The following IL1RAPL2 variants were observed in gnomAD, a reference collection of about 807,000 sequenced individuals.
IL1RAPL2 encodes the protein X-linked interleukin-1 receptor accessory protein-like 2.
IL1RAPL2 carries 3 observed loss-of-function variants against 44.1 expected under a neutral mutation model. That is an observed-to-expected ratio of 0.07 (90% confidence interval 0.03 to 0.18). The LOEUF (loss-of-function observed/expected upper bound fraction) is 0.18, where lower values mean the gene tolerates loss of function less well. Ranked by LOEUF, IL1RAPL2 falls within the 10% of genes least tolerant of loss-of-function variation. IL1RAPL2 has a pLI of 1.00. For synonymous variants in IL1RAPL2, 181 were observed against 178.8 expected, an observed-to-expected ratio of 1.01 and a Z score of -0.10; for missense variants, 391 against 496.4, an observed-to-expected ratio of 0.79 and a Z score of 2.02.
At chrX:104,905,147 GTTGT>G (rs1285996680) in intron 2 of IL1RAPL2, among the ~76,000 whole-genome samples, 1 of 111,685 alleles carries the variant, frequency 9.0e-6, no homozygotes, top group Non-Finnish European at 1.9e-5. Context: ...TTTTGATGGG[GTTGT>G]TTGTTTTTTT....
intron 2 of IL1RAPL2, among the ~76,000 whole-genome samples, chrX:104,888,310 A>G (rs1923315131): frequency 1.9e-5 from 2 of 104,122 alleles, no homozygotes; most frequent in African/African-American, 7.4e-5. Context: ...GACAGAGACA[A>G]AGAGGGAGTC....
intron 5 of IL1RAPL2, among the ~76,000 whole-genome samples, chrX:105,447,881 AATATATAAAT>A (rs2035984304): frequency 1.1e-5 from 1 of 94,346 alleles, no homozygotes; most frequent in East Asian, 3.3e-4. Flanking sequence ...TATACATATA[AATATATAAAT>A]ATATATAAAT....
At chrX:104,688,139 G>A (rs959265680) in intron 2 of IL1RAPL2, among the ~76,000 whole-genome samples, 2 of 111,478 alleles carry the variant, frequency 1.8e-5, no homozygotes, top group African/African-American at 3.3e-5. Context: ...ATTCCTGCTC[G>A]AGGCATATTC....
At chrX:104,849,116 A>G (rs867076031) in intron 2 of IL1RAPL2, among the ~76,000 whole-genome samples, 3 of 108,921 alleles carry the variant, frequency 2.8e-5, no homozygotes, top group African/African-American at 1.0e-4. Context: ...GTCAGCCTCC[A>G]TCTCCTGGGC....
chrX:105,141,931 A>T (rs922883228), intron 2 of IL1RAPL2, among the ~76,000 whole-genome samples: 1 of 112,176 alleles, frequency 8.9e-6, no homozygotes, highest in Non-Finnish European at 1.9e-5. Flanking sequence ...TATGCAAATG[A>T]TTATAACTGC....
chrX:104,610,177 A>G (rs1239243648), intron 1 of IL1RAPL2, among the ~76,000 whole-genome samples: 1 of 111,306 alleles, frequency 9.0e-6, no homozygotes, highest in Admixed American at 9.6e-5. Flanking sequence ...CCAATATCAT[A>G]CTGAATGGGC....
At chrX:105,576,324 G>A (rs372692674) in intron 6 of IL1RAPL2, among the ~76,000 whole-genome samples, 6 of 111,008 alleles carry the variant, frequency 5.4e-5, no homozygotes, top group African/African-American at 2.0e-4. Context: ...ATCTTGAGTT[G>A]ATTTTTGTGA....
At chrX:105,344,023 T>G (rs2035091566) in intron 5 of IL1RAPL2, among the ~76,000 whole-genome samples, 1 of 111,001 alleles carries the variant, frequency 9.0e-6, no homozygotes, top group African/African-American at 3.3e-5. Flanking sequence ...GCCCCCTGAA[T>G]AGCTGGGATT....
intron 2 of IL1RAPL2, among the ~76,000 whole-genome samples, chrX:105,131,857 C>T (rs191261483): frequency 2.5e-4 from 28 of 110,917 alleles, no homozygotes; most frequent in African/African-American, 9.1e-4. Context: ...AAAGTAAAGC[C>T]CAAGGCGTAG....
intron 2 of IL1RAPL2, among the ~76,000 whole-genome samples, chrX:104,707,166 T>C (rs1931376179): frequency 9.0e-6 from 1 of 111,413 alleles, no homozygotes; most frequent in Admixed American, 9.6e-5. Flanking sequence ...TCACCGAATC[T>C]GTCAGATTTA....
At chrX:104,906,011 G>A (rs906591998) in intron 2 of IL1RAPL2, among the ~76,000 whole-genome samples, 3 of 109,557 alleles carry the variant, frequency 2.7e-5, no homozygotes, top group African/African-American at 1.0e-4. Context: ...CCTTGAAGAG[G>A]TCCTTCACAT....
intron 5 of IL1RAPL2, among the ~76,000 whole-genome samples, chrX:105,296,557 C>A (rs2034655892): frequency 8.9e-6 from 1 of 112,530 alleles, no homozygotes; most frequent in Non-Finnish European, 1.9e-5. Context: ...ATGCTGAATT[C>A]ATGACACAGT....
intron 2 of IL1RAPL2, among the ~76,000 whole-genome samples, chrX:104,932,835 T>C (rs1427705968): frequency 8.9e-6 from 1 of 112,312 alleles, no homozygotes; most frequent in East Asian, 2.8e-4. Flanking sequence ...AACATACCGA[T>C]GTTAGTAGGG....
rs1911981350 is a variant in IL1RAPL2, at chrX:105,195,471, T to G, written c.83-4T>G. The stretch of plus-strand genomic sequence containing the variant: ...ATCTTATACCTCTTCTGATTTTCTT[T>G]CAGTGGATGGCTGCATTGACTGGTC... On this transcript the variant is annotated splice_region_variant and splice_polypyrimidine_tract_variant and intron_variant, in intron 2 of 10. Coordinates refer to ENST00000372582, the MANE Select transcript of IL1RAPL2 (RefSeq NM_017416.2). 1 of 1,209,382 alleles carries G rather than the reference T, an allele frequency of 8.3e-7. No homozygotes were observed. The highest frequency in any genetic ancestry group is 3.0e-5 in the East Asian group (1 of 33,762).
At chrX:104,839,190 C>A (rs1421051994) in intron 2 of IL1RAPL2, among the ~76,000 whole-genome samples, 1 of 110,649 alleles carries the variant, frequency 9.0e-6, no homozygotes, top group African/African-American at 3.3e-5. Context: ...TTTGTTCATT[C>A]AGTATGATAT....
chrX:104,655,860 G>T (rs972519007), intron 1 of IL1RAPL2, among the ~76,000 whole-genome samples: 4 of 111,197 alleles, frequency 3.6e-5, no homozygotes, highest in African/African-American at 9.8e-5. Context: ...GCCTGTTGTT[G>T]GTCTATTCAG....
intron 2 of IL1RAPL2, among the ~76,000 whole-genome samples, chrX:104,798,751 C>A (rs948070224): frequency 9.0e-6 from 1 of 111,358 alleles, no homozygotes; most frequent in Non-Finnish European, 1.9e-5. Context: ...TTCCTTGAGG[C>A]CACCTCTTTA....
chrX:105,130,127 A>G (rs2033013081), intron 2 of IL1RAPL2, among the ~76,000 whole-genome samples: 1 of 111,471 alleles, frequency 9.0e-6, no homozygotes, highest in Non-Finnish European at 1.9e-5. Flanking sequence ...TCAAGCTTCA[A>G]ACAAGTTATG....
At chrX:105,353,922 A>G (rs2035178841) in intron 5 of IL1RAPL2, among the ~76,000 whole-genome samples, 2 of 110,826 alleles carry the variant, frequency 1.8e-5, no homozygotes, top group African/African-American at 6.6e-5. Context: ...AATACTCTTT[A>G]TTTCCTTCTC....
Sources: allele counts gnomAD v4.1 joint callset (sites outside exome capture counted in the v4.1 genomes callset), GRCh38; gene constraint gnomAD v4.1.1; transcripts MANE v1.5; gene names NCBI Gene and HGNC (gene_info 2026-07-23, HGNC 2026-07-21).